Variants in COLEC12 observed in about 807,000 individuals in gnomAD.
COLEC12 encodes collectin subfamily member 12.
In COLEC12, 33 loss-of-function variants were observed where a neutral mutation model predicts 71.1. That is an observed-to-expected ratio of 0.46 (90% CI 0.35 to 0.62). COLEC12 has a LOEUF of 0.62. Among genes scored for constraint, COLEC12 ranks in the 20% least tolerant of loss-of-function variants. COLEC12 has a pLI of 0.00. For synonymous variants in COLEC12, 350 were observed against 353.0 expected, an observed-to-expected ratio of 0.99 and a Z score of 0.10; for missense variants, 765 against 916.1, an observed-to-expected ratio of 0.84 and a Z score of 2.13.
chr18:398,410 C>G (rs1915613935), intron 2 of COLEC12, among the ~76,000 whole-genome samples: 1 of 152,236 alleles, frequency 6.6e-6, no homozygotes. Context: ...CCCTTTCCAA[C>G]CACTTCTATG....
chr18:451,784 T>A (rs924052930), intron 2 of COLEC12, among the ~76,000 whole-genome samples: 1 of 151,948 alleles, frequency 6.6e-6, no homozygotes, highest in African/African-American at 2.4e-5. Context: ...GAAACTTATA[T>A]TTAAAAGGGA....
In COLEC12 at chr18:451,956, A is replaced by C. The variant is rs1479442580; in HGVS notation, c.58+28751T>G. On this transcript the variant is annotated intron_variant, in intron 2 of 9. Coordinates refer to ENST00000400256, the MANE Select transcript of COLEC12 (RefSeq NM_130386.3). ...CCAAAATAATGGGGAGAAGGCCTGGAAGGCATTTCAGAGAACTTTGTGGCA... is the reference window on the plus strand; with the variant it reads ...CCAAAATAATGGGGAGAAGGCCTGGCAGGCATTTCAGAGAACTTTGTGGCA... Among the ~76,000 whole-genome samples the C allele has an allele frequency of 2.0e-5, 3 of 152,178 alleles. No homozygotes were observed. The East Asian group carries it at 5.8e-4, about 29-fold the overall frequency.
At chr18:404,828 CA>C (rs1477203635) in intron 2 of COLEC12, among the ~76,000 whole-genome samples, 1 of 152,176 alleles carries the variant, frequency 6.6e-6, no homozygotes, top group African/African-American at 2.4e-5. Context: ...AACAGAATAA[CA>C]GCGATTTTTA....
Position 454,986 on chromosome 18 carries a change from T to G in COLEC12, c.58+25721A>C, listed in dbSNP as rs1211383914. Among the ~76,000 whole-genome samples the G allele has an allele frequency of 2.0e-5, 3 of 152,294 alleles. No homozygotes were observed. In the South Asian group the frequency reaches 6.2e-4, roughly 32 times the overall value. ...AGTTTTATTTTCAATGAAAGACACA[T>G]GTTGACAAAATCATACTTGACGATC... On this transcript the variant is annotated intron_variant, in intron 2 of 9. Coordinates refer to ENST00000400256, the MANE Select transcript of COLEC12 (RefSeq NM_130386.3).
intron 2 of COLEC12, among the ~76,000 whole-genome samples, chr18:382,982 G>T (rs553111148): frequency 1.3e-5 from 2 of 152,018 alleles, no homozygotes; most frequent in African/African-American, 4.8e-5. Flanking sequence ...ATGATTTTTT[G>T]GGGTGTCATC....
In COLEC12 at chr18:324,877, C is replaced by T. The variant is rs549707013; in HGVS notation, c.2064-3070G>A. 5.9e-5 allele frequency among the ~76,000 whole-genome samples: 9 copies of T among 152,020 alleles called. No homozygotes were observed. The East Asian group carries it at 1.8e-3, about 30-fold the overall frequency. On this transcript the variant is annotated intron_variant, in intron 8 of 9. Transcript: ENST00000400256. Reference sequence around the variant, plus strand: ...ATATAGGACCATAGAATGAAAGAGCCTGGAACAGAACCTTTAACATCTTCT... The same window carrying T: ...ATATAGGACCATAGAATGAAAGAGCTTGGAACAGAACCTTTAACATCTTCT...
intron 2 of COLEC12, among the ~76,000 whole-genome samples, chr18:438,552 C>T (rs1383368686): frequency 6.6e-6 from 1 of 152,130 alleles, no homozygotes; most frequent in African/African-American, 2.4e-5. Context: ...GTGGTTCACA[C>T]CTGCAATCCC....
intron 1 of COLEC12, among the ~76,000 whole-genome samples, chr18:484,981 T>C (rs545121793): frequency 2.6e-5 from 4 of 152,204 alleles, no homozygotes; most frequent in Admixed American, 6.5e-5. Flanking sequence ...CATGCAACCA[T>C]AGCCACGGGA....
At chr18:474,635 C>A (rs983103356) in intron 2 of COLEC12, among the ~76,000 whole-genome samples, 46 of 152,104 alleles carry the variant, frequency 3.0e-4, no homozygotes, top group African/African-American at 1.1e-3. Flanking sequence ...CCTTTCTCGG[C>A]GTTTAGGAGC....
At chr18:390,154 CA>C (rs1915432098) in intron 2 of COLEC12, among the ~76,000 whole-genome samples, 1 of 152,196 alleles carries the variant, frequency 6.6e-6, no homozygotes, top group Admixed American at 6.5e-5. Context: ...CTTTGCCCAG[CA>C]GGGGGCTAGG....
intron 2 of COLEC12, among the ~76,000 whole-genome samples, chr18:405,038 G>A (rs528805533): frequency 1.4e-4 from 22 of 152,214 alleles, no homozygotes; most frequent in South Asian, 1.0e-3. Flanking sequence ...TGTATGATGC[G>A]GTTGAGATAA....
chr18:435,708 T>C (rs950863466), intron 2 of COLEC12, among the ~76,000 whole-genome samples: 1 of 152,184 alleles, frequency 6.6e-6, no homozygotes, highest in African/African-American at 2.4e-5. Flanking sequence ...CTACCTACTT[T>C]TAGAAAATCT....
At chr18:497,695 T>C (rs1917739203) in intron 1 of COLEC12, among the ~76,000 whole-genome samples, 1 of 152,208 alleles carries the variant, frequency 6.6e-6, no homozygotes, top group African/African-American at 2.4e-5. Flanking sequence ...CCACTGCACC[T>C]GGCCAAGAAT....
At chr18:387,037 G>T (rs891236868) in intron 2 of COLEC12, among the ~76,000 whole-genome samples, 1 of 152,112 alleles carries the variant, frequency 6.6e-6, no homozygotes, top group African/African-American at 2.4e-5. Flanking sequence ...CGCTAAGACT[G>T]TTGTCTATGC....
At chr18:320,375 G>T (rs1321080090) in intron 9 of COLEC12, among the ~76,000 whole-genome samples, 1 of 152,136 alleles carries the variant, frequency 6.6e-6, no homozygotes, top group African/African-American at 2.4e-5. Context: ...ATAATCCCTT[G>T]TTTAGATATC....
At position 327,722 on chromosome 18, in the gene COLEC12, CTG is replaced by C. The variant is rs1022622679; in HGVS notation, c.2063+3944_2063+3945del. Among the ~76,000 whole-genome samples the C allele has an allele frequency of 6.6e-6, 1 of 152,200 alleles. No individual in the cohort carries two copies. The highest frequency in any genetic ancestry group is 2.4e-5 in the African/African-American group (1 of 41,436). On this transcript the variant is annotated intron_variant, in intron 8 of 9. Coordinates refer to ENST00000400256, the MANE Select transcript of COLEC12 (RefSeq NM_130386.3). The surrounding 1 kb of genome is among the most constrained non-coding windows in gnomAD (Gnocchi z 4.0). ...TAACAGTAACCACAAAACCTGCAAA[CTG>C]TTTTAAAAGGATTTCACGCGTGTTG...
At chr18:496,521 T>C (rs59004977) in intron 1 of COLEC12, among the ~76,000 whole-genome samples, 3,576 of 152,348 alleles carry the variant, frequency 0.023, 153 homozygotes, top group African/African-American at 0.079. Flanking sequence ...TCTTTCAATG[T>C]TAAATGCAAT....
chr18:439,282 T>C (rs372304336), intron 2 of COLEC12, among the ~76,000 whole-genome samples: 17 of 152,182 alleles, frequency 1.1e-4, no homozygotes, highest in Admixed American at 6.5e-4. Context: ...AGAGTCACTG[T>C]CCACATGCCT....
At chr18:376,456 C>G (rs1915115204) in intron 2 of COLEC12, among the ~76,000 whole-genome samples, 1 of 152,164 alleles carries the variant, frequency 6.6e-6, no homozygotes, top group Admixed American at 6.5e-5. Flanking sequence ...GCTTTCATAC[C>G]TCAAACAAGG....
Sources: gnomAD v4.1 joint callset for allele counts (sites outside exome capture counted in the v4.1 genomes callset) on GRCh38, gnomAD v4.1.1 for gene constraint, Gnocchi (gnomAD v3.1) non-coding constraint, MANE v1.5 for transcripts, NCBI Gene and HGNC (gene_info 2026-07-23, HGNC 2026-07-21) for gene names.